IQCB1: variants seen among roughly 807,000 people sequenced by gnomAD.
IQCB1 encodes the protein IQ motif containing B1.
IQCB1 carries 56 observed loss-of-function variants against 84.4 expected under a neutral mutation model. That is an observed-to-expected ratio of 0.66 (90% CI 0.54 to 0.83). The LOEUF is 0.83. Ranked by LOEUF, IQCB1 falls within the 40% of genes least tolerant of loss-of-function variation. The pLI, the probability that IQCB1 is intolerant of heterozygous loss-of-function variation, is 0.00. For synonymous variants in IQCB1, 210 were observed against 234.8 expected (o/e 0.89, Z 0.96); for missense variants, 629 against 682.1 (o/e 0.92, Z 0.87).
intron 12 of IQCB1, among the ~76,000 whole-genome samples, chr3:121,787,453 T>A (rs891685209): frequency 6.6e-6 from 1 of 152,174 alleles, no homozygotes; most frequent in African/African-American, 2.4e-5. Flanking sequence ...ACAGAAAGAT[T>A]GCTATTTAAG....
In IQCB1 at chr3:121,807,406, A is replaced by G. The variant is rs778814868; in HGVS notation, c.525T>C (p.Ala175=). ...CTGCAGATCCTATTTGGACATTGTCAGCTTGCAGTAAATGTAAGAAATGAT... is the reference window on the plus strand; with the variant it reads ...CTGCAGATCCTATTTGGACATTGTCGGCTTGCAGTAAATGTAAGAAATGAT... ...QSDHFLHLLQ[A]DNVQIGSAVM... Residue 175 remains alanine, a synonymous_variant, in exon 7 of 15, where the codon GCT becomes GCC. Coordinates refer to ENST00000310864, the MANE Select transcript of IQCB1 (RefSeq NM_001023570.4). 14 of 1,574,556 alleles carry G rather than the reference A, an allele frequency of 8.9e-6. No individual in the cohort carries two copies. The highest frequency in any genetic ancestry group is 1.2e-5 in the Non-Finnish European group (14 of 1,144,576).
Position 121,830,896 on chromosome 3 carries a change from G to A in IQCB1, c.-12-1924C>T, listed in dbSNP as rs181970900. Among the ~76,000 whole-genome samples the A allele has an allele frequency of 2.4e-4, 37 of 152,344 alleles. 1 individual carries two copies. In the East Asian group the frequency reaches 6.4e-3, roughly 26 times the overall value. On this transcript the variant is annotated intron_variant, in intron 2 of 14. Coordinates refer to ENST00000310864, the MANE Select transcript of IQCB1 (RefSeq NM_001023570.4). ...TGAACAGAGAAGCCAAGAAGAATCT[G>A]AGCAGACAGGCCTTGCTGGGTTTCC...
At chr3:121,781,234 G>T (rs1321178597) in intron 13 of IQCB1, among the ~76,000 whole-genome samples, 1 of 152,144 alleles carries the variant, frequency 6.6e-6, no homozygotes, top group Non-Finnish European at 1.5e-5. Flanking sequence ...CAGGTGACCT[G>T]CCATCCTGTG....
At chr3:121,824,822 G>A (rs1337266099) in intron 5 of IQCB1, among the ~76,000 whole-genome samples, 1 of 150,164 alleles carries the variant, frequency 6.7e-6, no homozygotes. Context: ...CTGTAGACAA[G>A]AAAAAAAAAA....
chr3:121,789,849 A>G (rs1397226775), intron 11 of IQCB1, among the ~76,000 whole-genome samples: 3 of 152,114 alleles, frequency 2.0e-5, no homozygotes, highest in African/African-American at 4.8e-5. Flanking sequence ...GAAGGATAAG[A>G]AAAAAAACTG....
rs1264128159 is a variant in IQCB1 at position 121,828,853 on chromosome 3, T to G, written c.100+8A>C. 1 of 1,510,076 alleles carries G rather than the reference T, an allele frequency of 6.6e-7. No homozygotes were observed. The highest frequency in any genetic ancestry group is 9.2e-7 in the Non-Finnish European group (1 of 1,087,152). 93.5% of individuals were successfully genotyped at this position (1,510,076 alleles called of 1,614,324 possible). On this transcript the variant is annotated splice_region_variant and intron_variant, in intron 3 of 14. Coordinates refer to ENST00000310864, the MANE Select transcript of IQCB1 (RefSeq NM_001023570.4). The stretch of plus-strand genomic sequence containing the variant: ...AAATGCTATCTAATCACAAAAAGAT[T>G]TTCTTACCTTTTAACTTCAACAGTA...
At chr3:121,826,805 T>C (rs1233185544) in intron 4 of IQCB1, among the ~76,000 whole-genome samples, 3 of 152,130 alleles carry the variant, frequency 2.0e-5, no homozygotes, top group Non-Finnish European at 4.4e-5. Context: ...TAAAAGTCAT[T>C]TCCTGTACAT....
chr3:121,807,379 G>A lies in IQCB1; in HGVS notation c.552C>T (p.Val184=). 1 of 1,578,182 alleles carries A rather than the reference G, an allele frequency of 6.3e-7. No homozygotes were observed. The highest frequency in any genetic ancestry group is 8.7e-7 in the Non-Finnish European group (1 of 1,148,068). Reference sequence around the variant, plus strand: ...GTAGTATATTCTGTAGCATCATCATGACTGCAGATCCTATTTGGACATTGT... The same window carrying A: ...GTAGTATATTCTGTAGCATCATCATAACTGCAGATCCTATTTGGACATTGT... ...QADNVQIGSA[V]MMMLQNILQI... is the part of the protein sequence containing the mutation. Residue 184 remains valine (V), a synonymous_variant, in exon 7 of 15, where the codon GTC becomes GTT. Transcript: ENST00000310864.
At chr3:121,796,591 A>G (rs1949201578) in intron 9 of IQCB1, among the ~76,000 whole-genome samples, 1 of 152,172 alleles carries the variant, frequency 6.6e-6, no homozygotes, top group African/African-American at 2.4e-5. Flanking sequence ...AAAAGGCATT[A>G]TTGTTGTATC....
At chr3:121,777,179 A>G (rs755146063) in intron 13 of IQCB1, among the ~76,000 whole-genome samples, 7 of 152,222 alleles carry the variant, frequency 4.6e-5, no homozygotes, top group Admixed American at 6.5e-5. Flanking sequence ...TTCAAGTTCA[A>G]TTGTTTGACA....
chr3:121,781,935 T>G, intron 12 of IQCB1, 61 bp from the exon 13 acceptor site: 1 of 1,522,222 alleles, frequency 6.6e-7, no homozygotes, highest in Non-Finnish European at 9.1e-7. Flanking sequence ...AACTATTTTC[T>G]CACTACAACA....
intron 2 of IQCB1, among the ~76,000 whole-genome samples, chr3:121,831,996 A>G: frequency 6.6e-6 from 1 of 152,210 alleles, no homozygotes; most frequent in East Asian, 1.9e-4. Flanking sequence ...CTCAAGCTGT[A>G]TGCTATTACA....
chr3:121,798,473 T>C (rs1350296577), intron 8 of IQCB1, among the ~76,000 whole-genome samples: 1 of 151,854 alleles, frequency 6.6e-6, no homozygotes, highest in Non-Finnish European at 1.5e-5. Flanking sequence ...AACATATAAC[T>C]TTGCTTGGCA....
In IQCB1 at chr3:121,811,257, T is replaced by C. The variant is rs112479734; in HGVS notation, c.394-2248A>G. Among the ~76,000 whole-genome samples, 14 of 152,248 alleles carry C rather than the reference T, an allele frequency of 9.2e-5. 1 individual carries two copies. Among genetic ancestry groups the C allele is most frequent in the South Asian group, 4.1e-4 (2 of 4,826 alleles). On this transcript the variant is annotated intron_variant, in intron 5 of 14. Coordinates refer to ENST00000310864, the MANE Select transcript of IQCB1 (RefSeq NM_001023570.4). The stretch of plus-strand genomic sequence containing the variant: ...TGGCCCAGATACTACGTTTTTCCCA[T>C]GGTTTTTGCAACCCACAGACCAGGA...
At chr3:121,797,091 C>CA (rs1473543946) in intron 9 of IQCB1, 27 bp downstream of exon 9, 1 of 1,108,146 alleles carries the variant, frequency 9.0e-7, no homozygotes, top group Non-Finnish European at 1.4e-6. Flanking sequence ...AAATATCATG[C>CA]AATTTTTTTT....
chr3:121,773,138 C>A (rs2108508212), intron 13 of IQCB1, among the ~76,000 whole-genome samples: 1 of 152,108 alleles, frequency 6.6e-6, no homozygotes, highest in Admixed American at 6.5e-5. Flanking sequence ...GCCTGGCCAA[C>A]ACGGTGAAAA....
chr3:121,794,536 T>C (rs1949106113), intron 10 of IQCB1, among the ~76,000 whole-genome samples: 1 of 152,128 alleles, frequency 6.6e-6, no homozygotes, highest in South Asian at 2.1e-4. Context: ...TTGATATATA[T>C]TTAAAAATTA....
chr3:121,782,223 T>G (rs6766694), intron 12 of IQCB1, among the ~76,000 whole-genome samples: 97,962 of 152,040 alleles, frequency 0.64, 32,024 homozygotes, highest in African/African-American at 0.72. Context: ...GAAAAAAGGG[T>G]TCTTAATTCT....
rs199800276 is a variant in IQCB1 at position 121,826,190 on chromosome 3, G to C, written c.264-10C>G. On this transcript the variant is annotated splice_polypyrimidine_tract_variant and intron_variant, in intron 4 of 14. Coordinates refer to ENST00000310864, the MANE Select transcript of IQCB1 (RefSeq NM_001023570.4). ...GCCCACACAGCAATGGCTGAAATAA[G>C]AGCACAAGTTCGTGTTAATTAGAAG... The C allele has an allele frequency of 3.7e-6, 6 of 1,613,496 alleles. No homozygotes were observed. The African/African-American group carries it at 6.7e-5, about 18-fold the overall frequency.
Sources: gnomAD v4.1 joint callset for allele counts (sites outside exome capture counted in the v4.1 genomes callset) on GRCh38, gnomAD v4.1.1 for gene constraint, MANE v1.5 for transcripts, NCBI Gene and HGNC (gene_info 2026-07-23, HGNC 2026-07-21) for gene names.